The following TYW1 variants were observed in gnomAD, a reference collection of about 807,000 sequenced individuals.
The protein encoded by TYW1 is tRNA-yW synthesizing protein 1 homolog, also known as S-adenosyl-L-methionine-dependent tRNA 4-demethylwyosine synthase TYW1.
In TYW1, 46 loss-of-function variants were observed where a neutral mutation model predicts 96.2. The ratio of observed to expected loss-of-function variants is 0.48; its 90% CI spans 0.38 to 0.61. TYW1 has a LOEUF of 0.61. TYW1 is among the 20% of genes least tolerant of loss of function. The pLI, the probability that TYW1 is intolerant of heterozygous loss-of-function variation, is 0.00. For synonymous variants in TYW1, 274 were observed against 323.0 expected, an observed-to-expected ratio of 0.85 and a Z score of 1.63; for missense variants, 684 against 909.6, an observed-to-expected ratio of 0.75 and a Z score of 3.19.
intron 11 of TYW1, among the ~76,000 whole-genome samples, chr7:67,084,872 A>C (rs1796499955): frequency 6.6e-6 from 1 of 152,194 alleles, no homozygotes; most frequent in Non-Finnish European, 1.5e-5. Context: ...CCATGCTTTG[A>C]GAACCACTAC....
chr7:67,129,008 G>A lies in TYW1; in HGVS notation c.1698+11390G>A, dbSNP rs565658826. Among the ~76,000 whole-genome samples the A allele has an allele frequency of 3.3e-5, 5 of 152,226 alleles. No individual in the cohort carries two copies. The South Asian group carries it at 1.0e-3, about 32-fold the overall frequency. On this transcript the variant is annotated intron_variant, in intron 13 of 15. Transcript: ENST00000359626. The stretch of plus-strand genomic sequence containing the variant: ...CCAGTCTAGGTCTCAGTCTTTTAGT[G>A]AGGCTGTACCCCTGGACTGTGAACT...
At chr7:67,025,270 G>C (rs768307931) in intron 7 of TYW1, among the ~76,000 whole-genome samples, 1 of 152,010 alleles carries the variant, frequency 6.6e-6, no homozygotes, top group African/African-American at 2.4e-5. Flanking sequence ...GGACATTGTA[G>C]ATTGGGGGTG....
intron 7 of TYW1, among the ~76,000 whole-genome samples, chr7:67,035,914 T>C (rs1486523086): frequency 1.3e-5 from 2 of 151,102 alleles, no homozygotes; most frequent in Non-Finnish European, 3.0e-5. Flanking sequence ...GCTGATCTTA[T>C]GATCCGCCCA....
intron 12 of TYW1, among the ~76,000 whole-genome samples, chr7:67,116,396 T>G (rs1797595421): frequency 6.6e-6 from 1 of 150,718 alleles, no homozygotes; most frequent in African/African-American, 2.4e-5. Context: ...TTGCAAGAAA[T>G]CTAGTAGGGT....
chr7:67,161,756 A>G (rs1664201529), intron 13 of TYW1, among the ~76,000 whole-genome samples: 1 of 152,070 alleles, frequency 6.6e-6, no homozygotes, highest in Non-Finnish European at 1.5e-5. Context: ...TCCTAATGTT[A>G]GTATAATAAG....
At chr7:67,233,542 C>G (rs1436520142) in intron 15 of TYW1, among the ~76,000 whole-genome samples, 1 of 134,306 alleles carries the variant, frequency 7.4e-6, no homozygotes, top group African/African-American at 3.0e-5. Context: ...CATTTATGAC[C>G]TTTTGAGTTT....
intron 3 of TYW1, 135 bp from the exon 4 acceptor site, chr7:67,009,448 G>A (rs141308556): frequency 1.3e-5 from 9 of 707,024 alleles, no homozygotes; most frequent in Non-Finnish European, 1.4e-5. Flanking sequence ...GATAGAATTT[G>A]TGTTCATGAA....
chr7:67,115,122 G>A (rs1797553874), intron 12 of TYW1, among the ~76,000 whole-genome samples: 1 of 152,012 alleles, frequency 6.6e-6, no homozygotes, highest in African/African-American at 2.4e-5. Flanking sequence ...ATAATCTTAA[G>A]TAGTTATGGA....
intron 7 of TYW1, among the ~76,000 whole-genome samples, chr7:67,026,184 T>C (rs1794447055): frequency 6.6e-6 from 1 of 152,192 alleles, no homozygotes; most frequent in African/African-American, 2.4e-5. Flanking sequence ...GTGATTCTCC[T>C]GCCTCAGCCT....
chr7:67,020,201 G>A (rs1794198410), intron 6 of TYW1, among the ~76,000 whole-genome samples: 1 of 152,264 alleles, frequency 6.6e-6, no homozygotes. Flanking sequence ...GCAAAATAGT[G>A]AGACCCTGTT....
chr7:67,161,849 G>A (rs1051732640), intron 13 of TYW1, among the ~76,000 whole-genome samples: 12 of 152,070 alleles, frequency 7.9e-5, no homozygotes, highest in Non-Finnish European at 1.5e-4. Context: ...GTAGACTGCT[G>A]TACCCCCAGG....
In TYW1 at chr7:67,222,862, T is replaced by TTTC. The variant is rs1440950902; in HGVS notation, c.1978-15444_1978-15443insCTT. On this transcript the variant is annotated intron_variant, in intron 15 of 15. Transcript: ENST00000359626. ...TGGTCCCTTAATCTCTGTTCGCTTT[T>TTTC]TTTCTTTTTTTTTTTTTTTTTTTGC... 5.8e-3 allele frequency among the ~76,000 whole-genome samples: 798 copies of TTTC among 137,850 alleles called. 10 individuals are homozygous for TTTC. The highest frequency in any genetic ancestry group is 0.014 in the African/African-American group (533 of 37,808). 90.4% of individuals were successfully genotyped at this position (137,850 alleles called of 152,430 possible). A position where few individuals can be genotyped will look rare whatever the true frequency, so the allele number is the denominator to read the frequency against.
intron 7 of TYW1, among the ~76,000 whole-genome samples, chr7:67,027,336 T>G (rs533970732): frequency 1.3e-5 from 2 of 152,286 alleles, no homozygotes; most frequent in Admixed American, 1.3e-4. Context: ...TTGTATAACC[T>G]GGAGAAAGCT....
intron 3 of TYW1, among the ~76,000 whole-genome samples, chr7:66,999,864 A>G (rs1032284780): frequency 7.2e-5 from 11 of 152,064 alleles, no homozygotes; most frequent in Admixed American, 1.3e-4. Context: ...TGGTAATAGT[A>G]TGGTTATCTC....
intron 8 of TYW1, among the ~76,000 whole-genome samples, chr7:67,054,309 A>G (rs1370893558): frequency 6.6e-6 from 1 of 152,218 alleles, no homozygotes; most frequent in Non-Finnish European, 1.5e-5. Context: ...AAATTTATAG[A>G]AACCTATGTA....
chr7:67,135,658 A>T (rs555601114), intron 13 of TYW1, among the ~76,000 whole-genome samples: 1 of 151,314 alleles, frequency 6.6e-6, no homozygotes, highest in South Asian at 2.1e-4. Context: ...GCATCCAAAT[A>T]ACTGAGTTTC....
At chr7:67,012,972 T>C (rs4717342) in intron 4 of TYW1, among the ~76,000 whole-genome samples, 8,082 of 152,072 alleles carry the variant, frequency 0.053, 230 homozygotes, top group Middle Eastern at 0.14. Context: ...AACGGATACC[T>C]AGCCTGTATT....
At chr7:67,207,090 T>G (rs539135862) in intron 15 of TYW1, among the ~76,000 whole-genome samples, 1 of 152,332 alleles carries the variant, frequency 6.6e-6, no homozygotes, top group South Asian at 2.1e-4. Context: ...AGTTCCACTC[T>G]TTAAAATTGT....
intron 13 of TYW1, among the ~76,000 whole-genome samples, chr7:67,179,465 C>T (rs1405184276): frequency 4.6e-5 from 6 of 130,974 alleles, no homozygotes; most frequent in Admixed American, 7.6e-5. Flanking sequence ...TTGCTGCTCT[C>T]CAGCTGTGTA....
Sources: gnomAD v4.1 joint callset for allele counts (sites outside exome capture counted in the v4.1 genomes callset) on GRCh38, gnomAD v4.1.1 for gene constraint, MANE v1.5 for transcripts, NCBI Gene and HGNC (gene_info 2026-07-23, HGNC 2026-07-21) for gene names.